DCLK1: variants seen among roughly 807,000 people sequenced by gnomAD.
DCLK1 encodes serine/threonine-protein kinase DCLK1.
A neutral mutation model predicts 86.2 loss-of-function variants in DCLK1; 16 were observed. The observed-to-expected ratio is 0.19, with a 90% CI of 0.13 to 0.28. The LOEUF (loss-of-function observed/expected upper bound fraction) is 0.28, where lower values mean the gene tolerates loss of function less well. Among genes scored for constraint, DCLK1 ranks in the 10% least tolerant of loss-of-function variants. The pLI, the probability that DCLK1 is intolerant of heterozygous loss-of-function variation, is 1.00. For synonymous variants in DCLK1, 369 were observed against 370.5 expected (o/e 1.00, Z 0.05); for missense variants, 590 against 940.2 (o/e 0.63, Z 4.87).
chr13:35,900,858 G>A (rs957613631), intron 4 of DCLK1, among the ~76,000 whole-genome samples: 1 of 152,146 alleles, frequency 6.6e-6, no homozygotes, highest in Non-Finnish European at 1.5e-5. Flanking sequence ...TAAAAATTCC[G>A]TGCATGGAGT....
intron 1 of DCLK1, among the ~76,000 whole-genome samples, chr13:36,128,777 G>A (rs1195969209): frequency 6.6e-6 from 1 of 152,112 alleles, no homozygotes; most frequent in Non-Finnish European, 1.5e-5. Flanking sequence ...CTCTGAACTG[G>A]TTTCATTGAT....
chr13:35,809,524 T>C (rs925621288), intron 12 of DCLK1, among the ~76,000 whole-genome samples: 1 of 152,212 alleles, frequency 6.6e-6, no homozygotes, highest in African/African-American at 2.4e-5. Flanking sequence ...CTAGCAACTC[T>C]GTAGGTTGGA....
At chr13:35,846,518 T>A (rs189506038) in intron 6 of DCLK1, 29 of 985,392 alleles carry the variant, frequency 2.9e-5, no homozygotes, top group Non-Finnish European at 3.5e-5. Context: ...TTTAAAGACA[T>A]CATATGTCAT....
intron 4 of DCLK1, among the ~76,000 whole-genome samples, chr13:35,889,878 A>G (rs1225363730): frequency 6.6e-6 from 1 of 152,180 alleles, no homozygotes; most frequent in Admixed American, 6.6e-5. Flanking sequence ...ATTTACTTGA[A>G]ATGTATTGTA....
intron 3 of DCLK1, among the ~76,000 whole-genome samples, chr13:35,961,469 A>G (rs995296785): frequency 2.6e-5 from 4 of 152,238 alleles, no homozygotes; most frequent in Non-Finnish European, 5.9e-5. Context: ...TAAGGCATTC[A>G]AACTGCAATC....
intron 4 of DCLK1, among the ~76,000 whole-genome samples, chr13:35,923,718 T>C (rs553677520): frequency 6.6e-6 from 1 of 152,156 alleles, no homozygotes; most frequent in East Asian, 1.9e-4. Flanking sequence ...TATGCTGCAG[T>C]TCCTGTATTA....
intron 3 of DCLK1, among the ~76,000 whole-genome samples, chr13:35,963,549 A>G (rs1315895841): frequency 6.6e-6 from 1 of 152,218 alleles, no homozygotes; most frequent in Non-Finnish European, 1.5e-5. Context: ...CAGAACTTCA[A>G]TGTTCTAGGT....
intron 3 of DCLK1, among the ~76,000 whole-genome samples, chr13:35,997,523 CAT>C (rs746446375): frequency 6.6e-6 from 1 of 152,212 alleles, no homozygotes; most frequent in Non-Finnish European, 1.5e-5. Context: ...CAGCCAATCA[CAT>C]GTTTACATCT....
chr13:35,883,399 C>T (rs930136662), intron 4 of DCLK1, among the ~76,000 whole-genome samples: 2 of 152,168 alleles, frequency 1.3e-5, no homozygotes, highest in African/African-American at 4.8e-5. Context: ...ACCTTCCCTT[C>T]TCCCTTGCCT....
chr13:36,065,069 C>T (rs906574204), intron 3 of DCLK1, among the ~76,000 whole-genome samples: 1 of 152,160 alleles, frequency 6.6e-6, no homozygotes, highest in African/African-American at 2.4e-5. Context: ...AGAAAATATG[C>T]AGTCTATGGA....
intron 3 of DCLK1, among the ~76,000 whole-genome samples, chr13:36,110,894 G>A (rs900360946): frequency 2.1e-4 from 31 of 145,988 alleles, no homozygotes; most frequent in Non-Finnish European, 4.2e-4. Context: ...GCAGTGGTGC[G>A]ATCTCGGCTC....
At chr13:35,970,648 C>T (rs1274900928) in intron 3 of DCLK1, among the ~76,000 whole-genome samples, 1 of 152,074 alleles carries the variant, frequency 6.6e-6, no homozygotes, top group Non-Finnish European at 1.5e-5. Context: ...AAGGTGCCAT[C>T]CTGGGAGTGG....
At position 35,914,332 on chromosome 13, in the gene DCLK1, A is replaced by ATATATATATATACATATAT. The variant is rs1370326616; in HGVS notation, c.823+33025_823+33026insATATATGTATATATATATA. On this transcript the variant is annotated intron_variant, in intron 4 of 16. Coordinates refer to ENST00000360631, the MANE Select transcript of DCLK1 (RefSeq NM_001330071.2). ...GAGACCTTATCTCAGAAAAAAAAAA[A>ATATATATATATACATATAT]ATATATATATATATATACATATATA... 1.1e-4 allele frequency among the ~76,000 whole-genome samples: 8 copies of ATATATATATATACATATAT among 74,068 alleles called. No individual in the cohort carries two copies. In the East Asian group the frequency reaches 3.0e-3, roughly 28 times the overall value. The allele number at this position is 74,068 out of a possible 152,430, so 48.6% of individuals were successfully genotyped here. A position where few individuals can be genotyped will look rare whatever the true frequency, so the allele number is the denominator to read the frequency against.
chr13:36,071,065 T>C (rs1883957577), intron 3 of DCLK1, among the ~76,000 whole-genome samples: 1 of 152,134 alleles, frequency 6.6e-6, no homozygotes, highest in African/African-American at 2.4e-5. Context: ...GGAAATTTTT[T>C]TATATAATTG....
At chr13:36,014,796 A>G (rs1053017141) in intron 3 of DCLK1, among the ~76,000 whole-genome samples, 4 of 152,240 alleles carry the variant, frequency 2.6e-5, no homozygotes, top group Admixed American at 6.5e-5. Context: ...AAGAAAATAG[A>G]TGTTTAAACT....
At chr13:35,995,705 A>G (rs1298054933) in intron 3 of DCLK1, among the ~76,000 whole-genome samples, 1 of 152,226 alleles carries the variant, frequency 6.6e-6, no homozygotes, top group Non-Finnish European at 1.5e-5. Context: ...AAGACTGCTT[A>G]TTTTTAGCAG....
intron 3 of DCLK1, among the ~76,000 whole-genome samples, chr13:36,052,433 A>G (rs1445285586): frequency 2.0e-5 from 3 of 152,194 alleles, no homozygotes; most frequent in Non-Finnish European, 4.4e-5. Flanking sequence ...CAGCAAGTCC[A>G]GGTAGCAAAG....
chr13:35,958,213 T>A, intron 3 of DCLK1, among the ~76,000 whole-genome samples: 1 of 19,484 alleles, frequency 5.1e-5, no homozygotes, highest in South Asian at 1.7e-3. Context: ...ATTATAACCA[T>A]CACCACCACC....
Position 35,939,671 on chromosome 13 carries a change from C to T in DCLK1, c.823+7687G>A, listed in dbSNP as rs116958745. Among the ~76,000 whole-genome samples, 3 of 152,324 alleles carry T rather than the reference C, an allele frequency of 2.0e-5. No individual in the cohort carries two copies. The East Asian group carries it at 5.8e-4, about 29-fold the overall frequency. ...CTCAGCTCCCAAACTGTTGGGATCA[C>T]AGGCATGAGCCACCATGCCCGGCCC... is the stretch of plus-strand genomic sequence containing the variant. On this transcript the variant is annotated intron_variant, in intron 4 of 16. Coordinates refer to ENST00000360631, the MANE Select transcript of DCLK1 (RefSeq NM_001330071.2).
Sources: allele counts gnomAD v4.1 joint callset (sites outside exome capture counted in the v4.1 genomes callset), GRCh38; gene constraint gnomAD v4.1.1; transcripts MANE v1.5; gene names NCBI Gene and HGNC (gene_info 2026-07-23, HGNC 2026-07-21).